NECAB1: variants seen among roughly 807,000 people sequenced by gnomAD.
The protein encoded by NECAB1 is N-terminal EF-hand calcium-binding protein 1.
In NECAB1, 29 loss-of-function variants were observed where a neutral mutation model predicts 57.5. The ratio of observed to expected loss-of-function variants is 0.50; its 90% CI spans 0.38 to 0.69. NECAB1 has a LOEUF of 0.69. Among genes scored for constraint, NECAB1 ranks in the 30% least tolerant of loss-of-function variants. The pLI, the probability that NECAB1 is intolerant of heterozygous loss-of-function variation, is 0.00. For missense variants in NECAB1, 372 were observed against 413.8 expected (o/e 0.90, Z 0.88); for synonymous variants, 142 against 147.7 (o/e 0.96, Z 0.28).
intron 6 of NECAB1, among the ~76,000 whole-genome samples, chr8:90,921,967 A>T (rs1308376576): frequency 6.6e-6 from 1 of 152,218 alleles, no homozygotes; most frequent in Non-Finnish European, 1.5e-5. Context: ...TTGAGAGAGA[A>T]AGGATGTGTA....
At chr8:90,906,874 C>CATATATATATATATAT (rs1290352726) in intron 5 of NECAB1, among the ~76,000 whole-genome samples, 24 of 42,638 alleles carry the variant, frequency 5.6e-4, no homozygotes, top group African/African-American at 5.1e-3. Context: ...ATATGATATA[C>CATATATATATATATAT]ACATATATAT....
chr8:90,916,497 C>T (rs1472017019), intron 5 of NECAB1, among the ~76,000 whole-genome samples: 2 of 152,116 alleles, frequency 1.3e-5, no homozygotes, highest in Non-Finnish European at 2.9e-5. Context: ...TGTGTTATCA[C>T]CCTCAGTCGT....
intron 3 of NECAB1, among the ~76,000 whole-genome samples, chr8:90,840,656 G>A (rs911383840): frequency 2.0e-5 from 3 of 152,198 alleles, no homozygotes; most frequent in Non-Finnish European, 2.9e-5. Context: ...TTTAAAAGCA[G>A]TGTAGACTGC....
At position 90,861,387 on chromosome 8, in the gene NECAB1, G is replaced by C. The variant is rs181711591; in HGVS notation, c.234-10741G>C. ...ATGCATGGAAAATTTCCCTGACATA[G>C]GGCAAGATATAAATATTAAAGAGCA... is the stretch of plus-strand genomic sequence containing the variant. On this transcript the variant is annotated intron_variant, in intron 3 of 12. Transcript: ENST00000417640. Among the ~76,000 whole-genome samples the C allele has an allele frequency of 1.4e-4, 21 of 152,228 alleles. No individual in the cohort carries two copies. The East Asian group carries it at 3.9e-3, about 28-fold the overall frequency.
chr8:90,893,474 C>G, intron 5 of NECAB1, among the ~76,000 whole-genome samples: 1 of 152,244 alleles, frequency 6.6e-6, no homozygotes, highest in Non-Finnish European at 1.5e-5. Context: ...ATCAATCACC[C>G]GGAAGGGAAG....
intron 5 of NECAB1, among the ~76,000 whole-genome samples, chr8:90,912,235 C>T (rs1317760498): frequency 6.6e-6 from 1 of 152,064 alleles, no homozygotes; most frequent in East Asian, 1.9e-4. Context: ...ATGGGATTGT[C>T]CTTTAGGCAA....
intron 4 of NECAB1, among the ~76,000 whole-genome samples, chr8:90,873,968 A>G (rs1268581753): frequency 6.6e-6 from 1 of 152,196 alleles, no homozygotes; most frequent in African/African-American, 2.4e-5. Context: ...GGGAACTGGT[A>G]TGTGGGGCTT....
In NECAB1 at chr8:90,800,813, G is replaced by A. The variant is rs143018941; in HGVS notation, c.100-878G>A. On this transcript the variant is annotated intron_variant, in intron 1 of 12. Transcript: ENST00000417640. The stretch of plus-strand genomic sequence containing the variant: ...ATGTGCTCATCCCTGAGCAGTCACC[G>A]TGACCAGAGGGATATGACACCGTGT... Among the ~76,000 whole-genome samples, 9 of 152,210 alleles carry A rather than the reference G, an allele frequency of 5.9e-5. 1 individual carries two copies. Among genetic ancestry groups the A allele is most frequent in the Non-Finnish European group, 5.9e-5 (4 of 68,018 alleles).
At chr8:90,853,768 G>C (rs923981439) in intron 3 of NECAB1, among the ~76,000 whole-genome samples, 5 of 152,308 alleles carry the variant, frequency 3.3e-5, no homozygotes, top group Admixed American at 1.3e-4. Flanking sequence ...TGTGAAGAAA[G>C]CCAGTCATTG....
At chr8:90,834,385 C>A (rs1586046983) in intron 3 of NECAB1, among the ~76,000 whole-genome samples, 1 of 152,092 alleles carries the variant, frequency 6.6e-6, no homozygotes, top group South Asian at 2.1e-4. Context: ...AAGAGAGGGC[C>A]TTTGGCAAAT....
chr8:90,893,174 A>G (rs1462376123), intron 5 of NECAB1, among the ~76,000 whole-genome samples: 1 of 151,902 alleles, frequency 6.6e-6, no homozygotes, highest in African/African-American at 2.4e-5. Flanking sequence ...TCCTGGTGAT[A>G]CTACGGGACT....
At chr8:90,892,948 AGTTCCACCTC>A (rs1311794644) in intron 5 of NECAB1, among the ~76,000 whole-genome samples, 3 of 152,086 alleles carry the variant, frequency 2.0e-5, no homozygotes, top group Non-Finnish European at 4.4e-5. Context: ...CCATCTCTCT[AGTTCCACCTC>A]GTGCCAGTCC....
At chr8:90,835,553 A>G (rs185010825) in intron 3 of NECAB1, among the ~76,000 whole-genome samples, 442 of 152,178 alleles carry the variant, frequency 2.9e-3, no homozygotes, top group Non-Finnish European at 3.8e-3. Flanking sequence ...CAAAATAATA[A>G]TAATAATTAT....
At chr8:90,877,075 A>G (rs539701012) in intron 4 of NECAB1, among the ~76,000 whole-genome samples, 1 of 152,344 alleles carries the variant, frequency 6.6e-6, no homozygotes, top group East Asian at 1.9e-4. Flanking sequence ...AATGAGAAAC[A>G]TCAGTCACAA....
intron 3 of NECAB1, among the ~76,000 whole-genome samples, chr8:90,838,734 G>A (rs1002437870): frequency 6.6e-6 from 1 of 152,176 alleles, no homozygotes; most frequent in Non-Finnish European, 1.5e-5. Context: ...CCTTGTCTAT[G>A]TTATAACAAA....
At chr8:90,861,245 C>A (rs1253546774) in intron 3 of NECAB1, among the ~76,000 whole-genome samples, 1 of 152,046 alleles carries the variant, frequency 6.6e-6, no homozygotes, top group Admixed American at 6.6e-5. Context: ...AGAGGTTGAC[C>A]CACAGGCAAG....
intron 6 of NECAB1, among the ~76,000 whole-genome samples, chr8:90,923,456 A>G (rs866765120): frequency 1.3e-5 from 2 of 152,238 alleles, no homozygotes; most frequent in African/African-American, 4.8e-5. Flanking sequence ...AACAATGCCA[A>G]TGGTCAAGGT....
chr8:90,883,672 T>C (rs1160973229), intron 5 of NECAB1, among the ~76,000 whole-genome samples: 1 of 152,174 alleles, frequency 6.6e-6, no homozygotes, highest in Admixed American at 6.6e-5. Context: ...CCCAGCCTTT[T>C]GTCATATCCT....
intron 2 of NECAB1, among the ~76,000 whole-genome samples, chr8:90,802,780 A>G (rs1811781609): frequency 6.6e-6 from 1 of 152,198 alleles, no homozygotes; most frequent in African/African-American, 2.4e-5. Context: ...GGCCATCAAA[A>G]TATTTTCTCA....
Sources: allele counts gnomAD v4.1 joint callset (sites outside exome capture counted in the v4.1 genomes callset), GRCh38; gene constraint gnomAD v4.1.1; transcripts MANE v1.5; gene names NCBI Gene and HGNC (gene_info 2026-07-23, HGNC 2026-07-21).